IGSF5: variants seen among roughly 807,000 people sequenced by gnomAD.
IGSF5 encodes the protein immunoglobulin superfamily member 5.
In IGSF5, 41 loss-of-function variants were observed where a neutral mutation model predicts 39.4. The observed-to-expected ratio is 1.04, with a 90% CI of 0.81 to 1.35. The LOEUF (loss-of-function observed/expected upper bound fraction) is 1.35. IGSF5 is among the 40% of genes most tolerant of loss of function. The pLI is 0.00. For synonymous variants in IGSF5, 183 were observed against 175.3 expected, an observed-to-expected ratio of 1.04 and a Z score of -0.34; for missense variants, 487 against 494.6, an observed-to-expected ratio of 0.98 and a Z score of 0.15.
At chr21:39,731,517 A>G in the IGSF5 span, among the ~76,000 whole-genome samples, 1 of 152,202 alleles carries the variant, frequency 6.6e-6, no homozygotes, top group African/African-American at 2.4e-5. Flanking sequence ...AATCACATGG[A>G]CTTTTTAAAA....
intron 2 of IGSF5, among the ~76,000 whole-genome samples, chr21:39,753,933 T>A (rs975645937): frequency 1.3e-5 from 2 of 152,162 alleles, no homozygotes; most frequent in Non-Finnish European, 2.9e-5. Context: ...TTTTTGTTTT[T>A]TTTTAGTCCA....
At chr21:39,751,538 G>T (rs1003541829) in intron 2 of IGSF5, among the ~76,000 whole-genome samples, 1 of 135,924 alleles carries the variant, frequency 7.4e-6, no homozygotes, top group Non-Finnish European at 1.6e-5. Flanking sequence ...TTTCTGGATG[G>T]TTTCTACTCA....
chr21:39,736,825 C>T, the IGSF5 span, among the ~76,000 whole-genome samples: 1 of 152,106 alleles, frequency 6.6e-6, no homozygotes, highest in South Asian at 2.1e-4. Flanking sequence ...AGGCTGAGGC[C>T]GGGCATCTTG....
At chr21:39,798,568 C>G (rs985366996) in intron 8 of IGSF5, among the ~76,000 whole-genome samples, 1 of 152,198 alleles carries the variant, frequency 6.6e-6, no homozygotes, top group Non-Finnish European at 1.5e-5. Context: ...CTCTCAATCT[C>G]TCTTCCCTGA....
intron 8 of IGSF5, among the ~76,000 whole-genome samples, chr21:39,800,855 C>T (rs1428461514): frequency 6.6e-6 from 1 of 152,326 alleles, no homozygotes; most frequent in Non-Finnish European, 1.5e-5. Flanking sequence ...GGTGGGTGAT[C>T]TATCTGGAGT....
the IGSF5 span, among the ~76,000 whole-genome samples, chr21:39,721,699 C>CTTCT: frequency 6.6e-6 from 1 of 150,668 alleles, no homozygotes; most frequent in Non-Finnish European, 1.5e-5. Context: ...TCCTTCCTTC[C>CTTCT]TTCCTTCCTT....
At chr21:39,769,246 C>G (rs570182011) in intron 3 of IGSF5, among the ~76,000 whole-genome samples, 1 of 152,082 alleles carries the variant, frequency 6.6e-6, no homozygotes, top group Non-Finnish European at 1.5e-5. Context: ...GAGGCCCAGG[C>G]GGGCAGCTCA....
In IGSF5 at chr21:39,753,648, TGG is replaced by T. The variant is rs2080016193; in HGVS notation, c.100+7352_100+7353del. ...TCTAGTAGTAATTGTTTTTAAAATCTGGGTGCTCCATTGTTAGGTGCATATAA... is the reference window on the plus strand; with the variant it reads ...TCTAGTAGTAATTGTTTTTAAAATCTGTGCTCCATTGTTAGGTGCATATAA... On this transcript the variant is annotated intron_variant, in intron 2 of 8. Coordinates refer to ENST00000380588, the MANE Select transcript of IGSF5 (RefSeq NM_001080444.2). Among the ~76,000 whole-genome samples, 3 of 152,372 alleles carry T rather than the reference TGG, an allele frequency of 2.0e-5. No homozygotes were observed. The South Asian group carries it at 6.2e-4, about 32-fold the overall frequency.
chr21:39,718,163 T>C, the IGSF5 span, among the ~76,000 whole-genome samples: 1 of 152,204 alleles, frequency 6.6e-6, no homozygotes, highest in Non-Finnish European at 1.5e-5. Context: ...GTTCCTGGTG[T>C]ATAGGAATGC....
intron 2 of IGSF5, among the ~76,000 whole-genome samples, chr21:39,760,691 C>G (rs2080057152): frequency 6.6e-6 from 1 of 152,044 alleles, no homozygotes; most frequent in African/African-American, 2.4e-5. Flanking sequence ...CTGCTTCAGC[C>G]TCCCGAGTAG....
chr21:39,720,416 G>T, the IGSF5 span, among the ~76,000 whole-genome samples: 1 of 152,140 alleles, frequency 6.6e-6, no homozygotes, highest in South Asian at 2.1e-4. Context: ...TGGCCCAGGG[G>T]TTGGGGACCC....
intron 4 of IGSF5, 122 bp downstream of exon 4, chr21:39,771,337 G>A: frequency 1.2e-6 from 1 of 818,538 alleles, no homozygotes; most frequent in Non-Finnish European, 1.8e-6. Flanking sequence ...TTTTGGGTGG[G>A]GATGATAAGG....
the IGSF5 span, among the ~76,000 whole-genome samples, chr21:39,712,352 C>T: frequency 2.6e-5 from 4 of 152,262 alleles, no homozygotes; most frequent in East Asian, 5.8e-4. Flanking sequence ...AAAGGCAAGT[C>T]GTGCAGGATT....
At position 39,797,498 on chromosome 21, in the gene IGSF5, C is replaced by T. The variant is rs1046843428; in HGVS notation, c.1129-3764C>T. 3.3e-5 allele frequency among the ~76,000 whole-genome samples: 5 copies of T among 152,090 alleles called. No homozygotes were observed. In the East Asian group the frequency reaches 7.8e-4, roughly 24 times the overall value. On this transcript the variant is annotated intron_variant, in intron 8 of 8. Coordinates refer to ENST00000380588, the MANE Select transcript of IGSF5 (RefSeq NM_001080444.2). The stretch of plus-strand genomic sequence containing the variant: ...CCTCCCAAAGTGCTGGTATTACAGG[C>T]GTGAGACAGCTTGCCCGGCCTTTAA...
At chr21:39,737,651 G>A in the IGSF5 span, among the ~76,000 whole-genome samples, 1 of 152,236 alleles carries the variant, frequency 6.6e-6, no homozygotes, top group African/African-American at 2.4e-5. Flanking sequence ...TGTGGGAAGG[G>A]GGGCGGAGCT....
chr21:39,790,406 T>G (rs747190701), intron 6 of IGSF5, among the ~76,000 whole-genome samples: 2 of 152,176 alleles, frequency 1.3e-5, no homozygotes, highest in Non-Finnish European at 2.9e-5. Context: ...ACTCCTGTAG[T>G]CCCAGCGCTT....
At chr21:39,762,877 C>T (rs1271034680) in intron 2 of IGSF5, among the ~76,000 whole-genome samples, 1 of 152,012 alleles carries the variant, frequency 6.6e-6, no homozygotes, top group African/African-American at 2.4e-5. Flanking sequence ...TCCTTAGTGA[C>T]AACCATAGCT....
intron 5 of IGSF5, among the ~76,000 whole-genome samples, chr21:39,782,050 T>G (rs1435459122): frequency 2.0e-5 from 3 of 152,004 alleles, no homozygotes. Flanking sequence ...TTCTTCCAAA[T>G]AACTAAGCAG....
At chr21:39,785,002 A>T (rs2080191613) in intron 5 of IGSF5, among the ~76,000 whole-genome samples, 1 of 147,210 alleles carries the variant, frequency 6.8e-6, no homozygotes, top group South Asian at 2.2e-4. Flanking sequence ...TTATAAGATT[A>T]TTTATTTAGC....
Sources: gnomAD v4.1 joint callset for allele counts (sites outside exome capture counted in the v4.1 genomes callset) on GRCh38, gnomAD v4.1.1 for gene constraint, MANE v1.5 for transcripts, NCBI Gene and HGNC (gene_info 2026-07-23, HGNC 2026-07-21) for gene names.